Variants in ST8SIA5 observed in about 807,000 individuals in gnomAD.
ST8SIA5 encodes the protein alpha-2,8-sialyltransferase 8E.
ST8SIA5 carries 24 observed loss-of-function variants against 40.2 expected under a neutral mutation model. The ratio of observed to expected loss-of-function variants is 0.60; its 90% CI spans 0.43 to 0.84. The LOEUF is 0.84. Among genes scored for constraint, ST8SIA5 ranks in the 40% least tolerant of loss-of-function variants. The pLI is 0.00. For missense variants in ST8SIA5, 465 were observed against 498.5 expected, an observed-to-expected ratio of 0.93 and a Z score of 0.64; for synonymous variants, 198 against 201.8, an observed-to-expected ratio of 0.98 and a Z score of 0.16.
intron 2 of ST8SIA5, among the ~76,000 whole-genome samples, chr18:46,695,194 G>T (rs1040406759): frequency 1.3e-5 from 2 of 152,042 alleles, no homozygotes; most frequent in Middle Eastern, 3.4e-3. Context: ...TTAAAAAAAG[G>T]GTTCATTTTG....
chr18:46,719,930 C>CCTCTGAGCTCACTG (rs1204053824), intron 1 of ST8SIA5, among the ~76,000 whole-genome samples: 4 of 151,578 alleles, frequency 2.6e-5, no homozygotes, highest in Non-Finnish European at 5.9e-5. Flanking sequence ...CCTCTGCCTC[C>CCTCTGAGCTCACTG]CAGGTTCAAG....
chr18:46,679,998 C>T lies in ST8SIA5; in HGVS notation c.*44G>A. 1.3e-6 allele frequency: 2 copies of T among 1,556,940 alleles called. No homozygotes were observed. Among genetic ancestry groups the T allele is most frequent in the Non-Finnish European group, 1.7e-6 (2 of 1,150,168 alleles). Reference sequence around the variant, plus strand: ...CTCCCAGTTCCACCAGGAGGGACAGCAGGAGAGGGGGCGCCGCTTGCCGGG... The same window carrying T: ...CTCCCAGTTCCACCAGGAGGGACAGTAGGAGAGGGGGCGCCGCTTGCCGGG... On this transcript the variant is annotated 3_prime_UTR_variant, in exon 7 of 7. Coordinates refer to ENST00000315087, the MANE Select transcript of ST8SIA5 (RefSeq NM_013305.6).
intron 1 of ST8SIA5, among the ~76,000 whole-genome samples, chr18:46,730,994 A>G (rs1041282791): frequency 3.9e-5 from 6 of 152,226 alleles, no homozygotes; most frequent in African/African-American, 1.4e-4. Context: ...TAAAAAAGAA[A>G]AAAGAAACAA....
Position 46,738,480 on chromosome 18 carries a change from C to T in ST8SIA5, c.131+17898G>A, listed in dbSNP as rs190126551. 4.8e-4 allele frequency among the ~76,000 whole-genome samples: 73 copies of T among 152,292 alleles called. 1 individual carries two copies. The highest frequency in any genetic ancestry group is 4.7e-3 in the Admixed American group (72 of 15,302). On this transcript the variant is annotated intron_variant, in intron 1 of 6. Coordinates refer to ENST00000315087, the MANE Select transcript of ST8SIA5 (RefSeq NM_013305.6). Reference sequence around the variant, plus strand: ...CCTCATTCTCAGGCTCATGTAAGTACAAAGTTAACGCCTGAGAGTAGAGGC... The same window carrying T: ...CCTCATTCTCAGGCTCATGTAAGTATAAAGTTAACGCCTGAGAGTAGAGGC...
In ST8SIA5 at chr18:46,687,693, T is replaced by C. The variant is rs552461339; in HGVS notation, c.456+1082A>G. On this transcript the variant is annotated intron_variant, in intron 4 of 6. Coordinates refer to ENST00000315087, the MANE Select transcript of ST8SIA5 (RefSeq NM_013305.6). ...ATGCATGAGTCTTACCTATACACTT[T>C]GGTACCAGTCACAGAATGCAGGGAA... Among the ~76,000 whole-genome samples, 6 of 152,256 alleles carry C rather than the reference T, an allele frequency of 3.9e-5. No homozygotes were observed. In the South Asian group the frequency reaches 6.2e-4, roughly 16 times the overall value.
intron 1 of ST8SIA5, among the ~76,000 whole-genome samples, chr18:46,724,490 T>A (rs570040962): frequency 2.0e-5 from 3 of 152,374 alleles, no homozygotes; most frequent in African/African-American, 7.2e-5. Context: ...CTGGTTCTGA[T>A]TCAATAGTTA....
chr18:46,756,438 C>T lies in ST8SIA5; in HGVS notation c.71G>A (p.Cys24Tyr), dbSNP rs1276820512. 1 of 1,613,348 alleles carries T rather than the reference C, an allele frequency of 6.2e-7. No homozygotes were observed. Among genetic ancestry groups the T allele is most frequent in the Non-Finnish European group, 8.5e-7 (1 of 1,179,408 alleles). The change falls in exon 1 of 7, where the codon TGC (cysteine) becomes TAC (tyrosine). Residue 24 changes from cysteine to tyrosine, a missense_variant. Physicochemically the swap from Cys to Tyr is radical, Grantham distance 194. Coordinates refer to ENST00000315087, the MANE Select transcript of ST8SIA5 (RefSeq NM_013305.6). ...GSRTLLFIFI[C>Y]AFALVTLLQQ... is the part of the protein sequence containing the mutation. ...CAGCAAGGTCACCAAGGCAAAGGCG[C>T]AGATGAAGATGAAGAGCAAAGTTCG...
intron 3 of ST8SIA5, among the ~76,000 whole-genome samples, chr18:46,690,821 G>A (rs1356980812): frequency 6.6e-6 from 1 of 151,962 alleles, no homozygotes; most frequent in Non-Finnish European, 1.5e-5. Flanking sequence ...TCACCATGTT[G>A]GCCAGGCTGA....
intron 1 of ST8SIA5, among the ~76,000 whole-genome samples, chr18:46,752,947 C>T (rs1437017784): frequency 2.0e-5 from 3 of 152,202 alleles, no homozygotes; most frequent in Admixed American, 1.3e-4. Context: ...ACCCAGCTAA[C>T]ATCCTTCTTA....
chr18:46,675,516 G>T lies in ST8SIA5; in HGVS notation c.*4526C>A, dbSNP rs746209907. The T allele has an allele frequency of 6.6e-6, 1 of 152,214 alleles. No individual in the cohort carries two copies. The highest frequency in any genetic ancestry group is 1.9e-4 in the East Asian group (1 of 5,198). The allele number at this position is 152,214 out of a possible 1,614,324, so 9.4% of individuals were successfully genotyped here. ...ACATGCAGGAGGCCACAGTGAGCAT[G>T]CTTCCAATGCTCCTAGGGAGGACTG... is the stretch of plus-strand genomic sequence containing the variant. On this transcript the variant is annotated 3_prime_UTR_variant, in exon 7 of 7. Coordinates refer to ENST00000315087, the MANE Select transcript of ST8SIA5 (RefSeq NM_013305.6).
intron 1 of ST8SIA5, among the ~76,000 whole-genome samples, chr18:46,728,341 A>T (rs978971610): frequency 6.6e-6 from 1 of 152,218 alleles, no homozygotes; most frequent in Non-Finnish European, 1.5e-5. Context: ...TGTGGGGGAC[A>T]CAGGAAGGGG....
chr18:46,688,729 A>T, intron 4 of ST8SIA5, 46 bp downstream of exon 4: 1 of 1,578,470 alleles, frequency 6.3e-7, no homozygotes, highest in African/African-American at 1.3e-5. Flanking sequence ...CTACTGCTGG[A>T]TTGGCTCCCT....
Position 46,673,958 on chromosome 18 carries a change from T to TCA in ST8SIA5, c.*6083_*6084insTG, listed in dbSNP as rs1394709953. ...ACAGGGAGGAGACTAGGTCAGGGCG[T>TCA]GTGTTGAGCTCAGAGAAGCAGCACC... On this transcript the variant is annotated 3_prime_UTR_variant, in exon 7 of 7. Transcript: ENST00000315087. 2.6e-5 allele frequency: 4 copies of TCA among 152,116 alleles called. No homozygotes were observed. Among genetic ancestry groups the TCA allele is most frequent in the African/African-American group, 9.7e-5 (4 of 41,432 alleles). 9.4% of individuals were successfully genotyped at this position (152,116 alleles called of 1,614,324 possible).
chr18:46,721,155 G>A (rs1042837163), intron 1 of ST8SIA5, among the ~76,000 whole-genome samples: 4 of 152,172 alleles, frequency 2.6e-5, no homozygotes, highest in Non-Finnish European at 5.9e-5. Flanking sequence ...TCCCCGCTTG[G>A]TTGTGGTTGG....
intron 1 of ST8SIA5, among the ~76,000 whole-genome samples, chr18:46,710,178 C>A (rs1367749590): frequency 1.3e-5 from 2 of 152,160 alleles, no homozygotes; most frequent in Non-Finnish European, 2.9e-5. Flanking sequence ...GATGCTGGTG[C>A]CAGGCTGCAT....
chr18:46,751,511 C>G (rs1010041370), intron 1 of ST8SIA5, among the ~76,000 whole-genome samples: 1 of 152,062 alleles, frequency 6.6e-6, no homozygotes, highest in East Asian at 1.9e-4. Flanking sequence ...ATTCTTGTGC[C>G]TCAGCCTCCT....
chr18:46,729,063 C>G (rs1330706533), intron 1 of ST8SIA5, among the ~76,000 whole-genome samples: 1 of 152,152 alleles, frequency 6.6e-6, no homozygotes, highest in Non-Finnish European at 1.5e-5. Flanking sequence ...CATCCTGCGC[C>G]CCACCTGCCT....
intron 1 of ST8SIA5, among the ~76,000 whole-genome samples, chr18:46,754,023 C>G (rs1261809077): frequency 6.6e-6 from 1 of 152,058 alleles, no homozygotes; most frequent in East Asian, 1.9e-4. Context: ...GAACACTGGT[C>G]AAGTGTTTGT....
chr18:46,746,432 CAG>C (rs1177343278), intron 1 of ST8SIA5, among the ~76,000 whole-genome samples: 1 of 152,158 alleles, frequency 6.6e-6, no homozygotes, highest in Non-Finnish European at 1.5e-5. Context: ...AACAGACAAA[CAG>C]AGAGCCAAAT....
Sources: gnomAD v4.1 joint callset for allele counts (sites outside exome capture counted in the v4.1 genomes callset) on GRCh38, gnomAD v4.1.1 for gene constraint, MANE v1.5 for transcripts, NCBI Gene and HGNC (gene_info 2026-07-23, HGNC 2026-07-21) for gene names.